The following SLC8A3 variants were observed in gnomAD, a reference collection of about 807,000 sequenced individuals.
SLC8A3 encodes sodium/calcium exchanger 3.
Under a neutral mutation model 65.4 loss-of-function variants are expected in SLC8A3, and 37 were observed. The observed-to-expected ratio is 0.57, with a 90% CI of 0.44 to 0.74. The LOEUF (loss-of-function observed/expected upper bound fraction) is 0.74. SLC8A3 is among the 30% of genes least tolerant of loss of function. The pLI is 0.00. For missense variants in SLC8A3, 1,112 were observed against 1,172.1 expected (o/e 0.95, Z 0.75); for synonymous variants, 461 against 444.5 (o/e 1.04, Z -0.47).
intron 2 of SLC8A3, among the ~76,000 whole-genome samples, chr14:70,149,480 T>G (rs950303715): frequency 2.0e-5 from 3 of 152,082 alleles, no homozygotes; most frequent in Non-Finnish European, 2.9e-5. Flanking sequence ...AGCCCAGAGA[T>G]ATGGTTCCAC....
chr14:70,080,027 G>A (rs72729857), intron 2 of SLC8A3: 53,880 of 887,480 alleles, frequency 0.061, 1,685 homozygotes, highest in African/African-American at 0.067. Context: ...TTGGGTTGTC[G>A]TGCGGGTGAC....
At chr14:70,128,155 T>A (rs7156495) in intron 2 of SLC8A3, among the ~76,000 whole-genome samples, 1 of 152,042 alleles carries the variant, frequency 6.6e-6, no homozygotes, top group South Asian at 2.1e-4. Flanking sequence ...TCATTCATCT[T>A]TGACCCTGTT....
intron 2 of SLC8A3, among the ~76,000 whole-genome samples, chr14:70,145,698 G>A (rs1438066081): frequency 6.6e-6 from 1 of 152,166 alleles, no homozygotes; most frequent in Non-Finnish European, 1.5e-5. Context: ...GTGGGAGGAA[G>A]GGGACATGAA....
chr14:70,169,085 G>A (rs1245811396), intron 1 of SLC8A3, among the ~76,000 whole-genome samples: 2 of 152,162 alleles, frequency 1.3e-5, no homozygotes, highest in East Asian at 3.9e-4. Context: ...ATTTTGAAAT[G>A]AGTGTTTCTT....
chr14:70,147,274 G>C (rs944017369), intron 2 of SLC8A3, among the ~76,000 whole-genome samples: 1 of 152,154 alleles, frequency 6.6e-6, no homozygotes, highest in Non-Finnish European at 1.5e-5. Context: ...ATCTCATTTA[G>C]TCTTTGTCAT....
intron 2 of SLC8A3, among the ~76,000 whole-genome samples, chr14:70,128,211 T>C (rs1894606832): frequency 6.6e-6 from 1 of 152,216 alleles, no homozygotes. Context: ...AATCTAGTTA[T>C]CATCATAGCA....
intron 2 of SLC8A3, among the ~76,000 whole-genome samples, chr14:70,162,422 C>T (rs532200362): frequency 1.1e-4 from 16 of 152,162 alleles, no homozygotes; most frequent in Non-Finnish European, 1.5e-4. Context: ...CAGATACCTT[C>T]GAGCTTTAAC....
intron 2 of SLC8A3, among the ~76,000 whole-genome samples, chr14:70,127,019 TTC>T (rs1894504877): frequency 6.6e-6 from 1 of 152,178 alleles, no homozygotes; most frequent in Admixed American, 6.5e-5. Flanking sequence ...TGGGAGGGGC[TTC>T]TAGAATTCCT....
At chr14:70,098,066 A>G (rs1213297268) in intron 2 of SLC8A3, among the ~76,000 whole-genome samples, 5 of 152,142 alleles carry the variant, frequency 3.3e-5, no homozygotes, top group African/African-American at 9.7e-5. Context: ...AGCAACATCA[A>G]TCACACTCCC....
At chr14:70,153,164 T>C (rs1896374668) in intron 2 of SLC8A3, among the ~76,000 whole-genome samples, 1 of 152,140 alleles carries the variant, frequency 6.6e-6, no homozygotes, top group East Asian at 1.9e-4. Flanking sequence ...GTCCCAGGTG[T>C]CCCTGGGCTT....
intron 2 of SLC8A3, among the ~76,000 whole-genome samples, chr14:70,161,779 T>C (rs1364224880): frequency 1.3e-5 from 2 of 152,278 alleles, no homozygotes; most frequent in African/African-American, 2.4e-5. Flanking sequence ...GATTGTGTTT[T>C]AGTTAAATTG....
intron 2 of SLC8A3, among the ~76,000 whole-genome samples, chr14:70,153,896 A>G (rs1308552239): frequency 6.6e-6 from 1 of 152,174 alleles, no homozygotes; most frequent in Non-Finnish European, 1.5e-5. Flanking sequence ...CATGGTCCTG[A>G]GCCAGCCTCG....
At chr14:70,082,415 C>T (rs529541001) in intron 2 of SLC8A3, among the ~76,000 whole-genome samples, 2 of 152,278 alleles carry the variant, frequency 1.3e-5, no homozygotes, top group African/African-American at 2.4e-5. Flanking sequence ...TGCATTTGTT[C>T]AGTTGTTTTT....
Position 70,167,408 on chromosome 14 carries a change from C to T in SLC8A3, c.1015G>A (p.Ala339Thr), listed in dbSNP as rs138512128. The change falls in exon 2 of 7, where the codon GCC (alanine) becomes ACC (threonine). Residue 339 changes from alanine (A) to threonine (T), a missense_variant. Ala to Thr is a moderately conservative substitution (Grantham distance 58). Coordinates refer to ENST00000356921, the MANE Select transcript of SLC8A3 (RefSeq NM_182932.3). ...EKDLDQLVEMANYYALSHQQK... is the reference protein window; with the variant it reads ...EKDLDQLVEMTNYYALSHQQK... ...TGGTGGGAAAGAGCATAGTAATTGG[C>T]CATCTCCACCAGCTGATCTAAGTCC... 15 of 1,613,970 alleles carry T rather than the reference C, an allele frequency of 9.3e-6. No homozygotes were observed. The African/African-American group carries it at 1.1e-4, about 11-fold the overall frequency.
intron 1 of SLC8A3, among the ~76,000 whole-genome samples, chr14:70,175,737 CTT>C (rs537283424): frequency 4.5e-4 from 57 of 126,744 alleles, no homozygotes; most frequent in Admixed American, 5.6e-4. Context: ...TTTTTTTTTT[CTT>C]TTTTTTTTTT....
At chr14:70,047,821 A>G (rs1886965274) in intron 6 of SLC8A3, 1 of 152,262 alleles carries the variant, frequency 6.6e-6, no homozygotes. Flanking sequence ...TAACTGAATT[A>G]AGTAAAGAAC....
chr14:70,128,739 A>G (rs898179465), intron 2 of SLC8A3, among the ~76,000 whole-genome samples: 16 of 152,344 alleles, frequency 1.1e-4, no homozygotes, highest in African/African-American at 3.6e-4. Flanking sequence ...TCAGGCCTCA[A>G]GTTGTTAAAA....
chr14:70,086,058 G>A (rs568849606), intron 2 of SLC8A3, among the ~76,000 whole-genome samples: 192 of 152,266 alleles, frequency 1.3e-3, no homozygotes, highest in Non-Finnish European at 6.5e-4. Context: ...GAAATGGAGG[G>A]AATTGTGGCC....
At chr14:70,118,720 C>A (rs1893831613) in intron 2 of SLC8A3, among the ~76,000 whole-genome samples, 1 of 152,154 alleles carries the variant, frequency 6.6e-6, no homozygotes, top group South Asian at 2.1e-4. Flanking sequence ...GCCTTTGAAG[C>A]ATCTCCTGTT....
Sources: gnomAD v4.1 joint callset for allele counts (sites outside exome capture counted in the v4.1 genomes callset) on GRCh38, gnomAD v4.1.1 for gene constraint, MANE v1.5 for transcripts, NCBI Gene and HGNC (gene_info 2026-07-23, HGNC 2026-07-21) for gene names.